Variants in ZNF713 observed in about 807,000 individuals in gnomAD.
ZNF713 encodes zinc finger protein 713.
In ZNF713, 21 loss-of-function variants were observed where a neutral mutation model predicts 28.7. The observed-to-expected ratio is 0.73, with a 90% CI of 0.52 to 1.05. ZNF713 has a LOEUF of 1.05. ZNF713 is among the 50% of genes least tolerant of loss of function. The pLI is 0.00. For synonymous variants in ZNF713, 167 were observed against 178.0 expected (o/e 0.94, Z 0.49); for missense variants, 458 against 532.4 (o/e 0.86, Z 1.37).
At chr7:55,891,884 A>G (rs571206269) in intron 1 of ZNF713, among the ~76,000 whole-genome samples, 2 of 152,352 alleles carry the variant, frequency 1.3e-5, no homozygotes, top group South Asian at 4.1e-4. Context: ...ATGTCCACTT[A>G]TTTAATAGAA....
At chr7:55,913,195 C>T (rs1323509057) in intron 4 of ZNF713, among the ~76,000 whole-genome samples, 2 of 88,140 alleles carry the variant, frequency 2.3e-5, no homozygotes, top group Admixed American at 1.3e-4. Context: ...GTTTTGATTC[C>T]TTTTTTTTTT....
intron 6 of ZNF713, among the ~76,000 whole-genome samples, chr7:55,931,234 C>T (rs1223478459): frequency 5.9e-5 from 9 of 151,580 alleles, no homozygotes; most frequent in Non-Finnish European, 7.4e-5. Context: ...TGCGGTGAGC[C>T]GAGATCACGT....
At chr7:55,936,577 G>C (rs1786351100) in intron 6 of ZNF713, among the ~76,000 whole-genome samples, 1 of 152,202 alleles carries the variant, frequency 6.6e-6, no homozygotes, top group African/African-American at 2.4e-5. Flanking sequence ...GGTGAAGACT[G>C]ATGTGGACCT....
At position 55,940,036 on chromosome 7, in the gene ZNF713, T is replaced by A; in HGVS notation, c.*30T>A. 6.6e-7 allele frequency: 1 copy of A among 1,521,224 alleles called. No homozygotes were observed. Among genetic ancestry groups the A allele is most frequent in the Non-Finnish European group, 8.8e-7 (1 of 1,137,154 alleles). The allele number at this position is 1,521,224 out of a possible 1,614,324, so 94.2% of individuals were successfully genotyped here. On this transcript the variant is annotated 3_prime_UTR_variant, in exon 7 of 7. Coordinates refer to ENST00000429591, the MANE Select transcript of ZNF713 (RefSeq NM_182633.3). ...TGGTGGGGGAAATCAGATAAATATA[T>A]AAATGTAGGAGATTTTTTGGTCAGA...
At chr7:55,924,292 G>A (rs1786052635) in intron 6 of ZNF713, 1 of 152,164 alleles carries the variant, frequency 6.6e-6, no homozygotes, top group South Asian at 2.1e-4. Flanking sequence ...TTTCCTTCCA[G>A]TCAAATCCAG....
At chr7:55,925,721 T>C (rs1786084107) in intron 6 of ZNF713, among the ~76,000 whole-genome samples, 1 of 152,230 alleles carries the variant, frequency 6.6e-6, no homozygotes, top group Non-Finnish European at 1.5e-5. Flanking sequence ...AGTGCTCACA[T>C]TCCATGAATA....
chr7:55,938,784 CT>C (rs1786405156), intron 6 of ZNF713, among the ~76,000 whole-genome samples, 197 bp from the exon 7 acceptor site: 1 of 152,190 alleles, frequency 6.6e-6, no homozygotes, highest in Non-Finnish European at 1.5e-5. Context: ...AAATTTCCCC[CT>C]GCTCCTTGCT....
intron 2 of ZNF713, among the ~76,000 whole-genome samples, chr7:55,910,010 T>C (rs924305171): frequency 6.6e-6 from 1 of 151,804 alleles, no homozygotes; most frequent in African/African-American, 2.4e-5. Context: ...TTTATGTGTG[T>C]GTGTGTGTGT....
intron 4 of ZNF713, among the ~76,000 whole-genome samples, chr7:55,914,281 G>C (rs945049469): frequency 6.6e-6 from 1 of 152,020 alleles, no homozygotes; most frequent in African/African-American, 2.4e-5. Flanking sequence ...CTTCAGATAG[G>C]ATTTCTATCA....
At chr7:55,928,538 A>G (rs535195503) in intron 6 of ZNF713, among the ~76,000 whole-genome samples, 25 of 152,194 alleles carry the variant, frequency 1.6e-4, no homozygotes, top group Non-Finnish European at 3.2e-4. Context: ...AGATTTCTTA[A>G]CGTGGAGCAG....
chr7:55,906,093 C>T (rs1449804586), intron 1 of ZNF713, 160 bp from the exon 2 acceptor site: 1 of 144,066 alleles, frequency 6.9e-6, no homozygotes, highest in East Asian at 2.1e-4. Context: ...CAGTGCGAGA[C>T]TCTGACTCAA....
intron 4 of ZNF713, among the ~76,000 whole-genome samples, chr7:55,917,272 C>A (rs111951247): frequency 1.0e-4 from 11 of 106,246 alleles, no homozygotes; most frequent in East Asian, 2.1e-4. Flanking sequence ...AAAAAAAAAA[C>A]AACAAACTAT....
chr7:55,888,045 A>G (rs893587452), intron 1 of ZNF713, among the ~76,000 whole-genome samples: 7 of 152,010 alleles, frequency 4.6e-5, no homozygotes, highest in South Asian at 2.1e-4. Context: ...GTCTTCTACT[A>G]TCTGGGAATG....
Position 55,892,277 on chromosome 7 carries a change from C to CAAA in ZNF713, c.-583+4622_-583+4624dup, listed in dbSNP as rs71561974. Among the ~76,000 whole-genome samples the CAAA allele has an allele frequency of 9.8e-4, 59 of 60,488 alleles. 1 individual carries two copies. Among genetic ancestry groups the CAAA allele is most frequent in the African/African-American group, 2.6e-3 (38 of 14,366 alleles). 39.7% of individuals were successfully genotyped at this position (60,488 alleles called of 152,430 possible). A position where few individuals can be genotyped will look rare whatever the true frequency, so the allele number is the denominator to read the frequency against. The stretch of plus-strand genomic sequence containing the variant: ...TGGGCGACAGAGTGAGACTCCATCT[C>CAAA]AAAAAAAAAAAAAAAAAAAAAAAAA... On this transcript the variant is annotated intron_variant, in intron 1 of 6. Coordinates refer to ENST00000429591, the MANE Select transcript of ZNF713 (RefSeq NM_182633.3).
chr7:55,931,913 C>T (rs1375413985), intron 6 of ZNF713, among the ~76,000 whole-genome samples: 1 of 152,172 alleles, frequency 6.6e-6, no homozygotes, highest in Non-Finnish European at 1.5e-5. Flanking sequence ...GTTCAGGAAC[C>T]AGGTCCACAG....
intron 1 of ZNF713, among the ~76,000 whole-genome samples, chr7:55,896,654 GGTTA>G (rs1785479508): frequency 6.6e-6 from 1 of 150,874 alleles, no homozygotes; most frequent in South Asian, 2.1e-4. Flanking sequence ...GTATATACAT[GGTTA>G]GTGTGTATAT....
intron 1 of ZNF713, among the ~76,000 whole-genome samples, chr7:55,899,208 C>T (rs1196219595): frequency 6.6e-6 from 1 of 151,524 alleles, no homozygotes; most frequent in East Asian, 1.9e-4. Context: ...AAAAAATTAG[C>T]TGGGCATGGT....
intron 4 of ZNF713, among the ~76,000 whole-genome samples, chr7:55,922,769 T>C (rs1786016836): frequency 6.6e-6 from 1 of 152,164 alleles, no homozygotes; most frequent in Non-Finnish European, 1.5e-5. Flanking sequence ...AGACCAAATA[T>C]AGAGTAAATT....
chr7:55,939,731 C>T lies in ZNF713; in HGVS notation c.1057C>T (p.Arg353Cys), dbSNP rs755851627. 2.7e-5 allele frequency: 43 copies of T among 1,613,960 alleles called. No homozygotes were observed. Among genetic ancestry groups the T allele is most frequent in the Non-Finnish European group, 3.2e-5 (38 of 1,179,994 alleles). Reference sequence around the variant, plus strand: ...TAATCAATGTGGTAAAGCTTTTAGCCGCATCACATCCCTTACTGAACATCA... The same window carrying T: ...TAATCAATGTGGTAAAGCTTTTAGCTGCATCACATCCCTTACTGAACATCA... ...KCNQCGKAFS[R>C]ITSLTEHHRL... The change falls in exon 7 of 7, where the codon CGC becomes TGC. Residue 353 changes from arginine (R) to cysteine (C), a missense_variant. By Grantham distance (180) the Arg-to-Cys change is radical. Coordinates refer to ENST00000429591, the MANE Select transcript of ZNF713 (RefSeq NM_182633.3).
Sources: allele counts gnomAD v4.1 joint callset (sites outside exome capture counted in the v4.1 genomes callset), GRCh38; gene constraint gnomAD v4.1.1; transcripts MANE v1.5; gene names NCBI Gene and HGNC (gene_info 2026-07-23, HGNC 2026-07-21).